Variants in PADI1 observed in about 807,000 individuals in gnomAD.
The protein encoded by PADI1 is peptidyl arginine deiminase 1.
In PADI1, 65 loss-of-function variants were observed where a neutral mutation model predicts 74.8. The observed-to-expected ratio is 0.87, with a 90% CI of 0.71 to 1.07. PADI1 has a LOEUF of 1.07. Ranked by LOEUF, PADI1 falls within the 50% of genes least tolerant of loss-of-function variation. PADI1 has a pLI of 0.00. For synonymous variants in PADI1, 371 were observed against 336.2 expected, an observed-to-expected ratio of 1.10 and a Z score of -1.13; for missense variants, 943 against 854.0, an observed-to-expected ratio of 1.10 and a Z score of -1.30.
chr1:17,237,024 T>C (rs1449058014), intron 11 of PADI1, among the ~76,000 whole-genome samples: 1 of 152,176 alleles, frequency 6.6e-6, no homozygotes, highest in African/African-American at 2.4e-5. Flanking sequence ...CCGAGCACGC[T>C]TCAGATGTAA....
At chr1:17,243,828 CTT>C (rs2072825197) in intron 15 of PADI1, among the ~76,000 whole-genome samples, 180 bp from the exon 16 acceptor site, 1 of 151,868 alleles carries the variant, frequency 6.6e-6, no homozygotes, top group Admixed American at 6.6e-5. Flanking sequence ...AACCCTGAAT[CTT>C]TTTCTCCTCT....
intron 7 of PADI1, 62 bp from the exon 8 acceptor site, chr1:17,228,886 G>T: frequency 3.2e-6 from 5 of 1,585,502 alleles, no homozygotes; most frequent in East Asian, 2.2e-5. Flanking sequence ...CTGGGGGCTG[G>T]GGGGGCTTGA....
At chr1:17,215,449 G>A (rs1292186237) in intron 1 of PADI1, among the ~76,000 whole-genome samples, 2 of 152,042 alleles carry the variant, frequency 1.3e-5, no homozygotes, top group Non-Finnish European at 2.9e-5. Context: ...AGGGGGCTGT[G>A]ACTTAGAGAT....
intron 5 of PADI1, 28 bp downstream of exon 5, chr1:17,225,956 A>C (rs1321052255): frequency 6.2e-7 from 1 of 1,611,452 alleles, no homozygotes; most frequent in Non-Finnish European, 8.5e-7. Context: ...TTGTCTGGGG[A>C]GTGGGGAAGG....
chr1:17,230,613 C>G lies in PADI1; in HGVS notation c.1095C>G (p.Ser365=), dbSNP rs2072463219. ...EFGYIEAPHK[S]FPVVFDSPRN... ...GCTACATCGAGGCCCCTCACAAATCCTTCCCCGTGGTCTTTGACTCCCCCA... is the reference window on the plus strand; with the variant it reads ...GCTACATCGAGGCCCCTCACAAATCGTTCCCCGTGGTCTTTGACTCCCCCA... The change falls in exon 10 of 16, where the codon TCC becomes TCG. Residue 365 remains serine, a synonymous_variant. Coordinates refer to ENST00000375471, the MANE Select transcript of PADI1 (RefSeq NM_013358.3). 1.2e-6 allele frequency: 2 copies of G among 1,613,050 alleles called. No individual in the cohort carries two copies. Among genetic ancestry groups the G allele is most frequent in the Admixed American group, 1.7e-5 (1 of 59,848 alleles).
chr1:17,230,513 C>A, intron 9 of PADI1, 59 bp from the exon 10 acceptor site: 1 of 1,218,420 alleles, frequency 8.2e-7, no homozygotes, highest in Non-Finnish European at 1.2e-6. Flanking sequence ...TGGGGACCAC[C>A]CTGTTCTGTA....
chr1:17,228,906 G>A lies in PADI1; in HGVS notation c.826-42G>A, dbSNP rs745568982. On this transcript the variant is annotated intron_variant, in intron 7 of 15. Coordinates refer to ENST00000375471, the MANE Select transcript of PADI1 (RefSeq NM_013358.3). ...GGCTGGGGGGGCTTGAGGCAGGCTA[G>A]GGGTCCCTGCAGGGCCCACCAAGTC... is the stretch of plus-strand genomic sequence containing the variant. 1.2e-3 allele frequency: 1,946 copies of A among 1,569,708 alleles called. 2 individuals carry two copies. Among genetic ancestry groups the A allele is most frequent in the Non-Finnish European group, 1.4e-3 (1,602 of 1,148,212 alleles).
At chr1:17,230,037 CCA>C (rs1557472145) in intron 8 of PADI1, 46 bp from the exon 9 acceptor site, 1 of 1,576,690 alleles carries the variant, frequency 6.3e-7, no homozygotes, top group Admixed American at 1.7e-5. Context: ...CACACCTCAG[CCA>C]CAGTCAGAGG....
At chr1:17,222,792 C>T (rs1332552891) in intron 2 of PADI1, among the ~76,000 whole-genome samples, 2 of 152,182 alleles carry the variant, frequency 1.3e-5, no homozygotes, top group East Asian at 1.9e-4. Context: ...GCAAGATGCC[C>T]CAGTGCTCTC....
rs557000326 is a variant in PADI1, at chr1:17,230,966, A to C, written c.1161+287A>C. Among the ~76,000 whole-genome samples, 9 of 152,194 alleles carry C rather than the reference A, an allele frequency of 5.9e-5. 1 individual carries two copies. The highest frequency in any genetic ancestry group is 2.2e-4 in the African/African-American group (9 of 41,518). ...ATAAGGCGGCTGGTCACCAAGGGGG[A>C]ATTGGCAGTGTGGTCAGCTCTGGGG... On this transcript the variant is annotated intron_variant, in intron 10 of 15. Coordinates refer to ENST00000375471, the MANE Select transcript of PADI1 (RefSeq NM_013358.3).
chr1:17,230,620 G>A lies in PADI1; in HGVS notation c.1102G>A (p.Val368Met), dbSNP rs760345840. The A allele has an allele frequency of 5.8e-5, 94 of 1,612,964 alleles. 1 individual carries two copies. In the Middle Eastern group the frequency reaches 2.3e-3, roughly 40 times the overall value. The stretch of plus-strand genomic sequence containing the variant: ...CGAGGCCCCTCACAAATCCTTCCCC[G>A]TGGTCTTTGACTCCCCCAGGAACAG... ...YIEAPHKSFP[V>M]VFDSPRNRGL... The change falls in exon 10 of 16, where the codon GTG (valine) becomes ATG (methionine). Residue 368 changes from valine to methionine, a missense_variant. By Grantham distance (21) the Val-to-Met change is conservative. Coordinates refer to ENST00000375471, the MANE Select transcript of PADI1 (RefSeq NM_013358.3).
chr1:17,229,976 A>T, intron 8 of PADI1, 109 bp from the exon 9 acceptor site: 1 of 1,003,368 alleles, frequency 1.0e-6, no homozygotes, highest in Middle Eastern at 2.2e-4. Context: ...ATGAACTGGA[A>T]CCCCTGTACC....
chr1:17,233,099 G>C (rs1019450536), intron 11 of PADI1, 129 bp downstream of exon 11: 2 of 897,346 alleles, frequency 2.2e-6, no homozygotes, highest in Admixed American at 3.4e-5. Flanking sequence ...TGGAATCCTG[G>C]AATCAAAGAC....
rs750781551 is a variant in PADI1, at chr1:17,228,812, G to C, written c.825+15G>C. 8.7e-6 allele frequency: 14 copies of C among 1,611,758 alleles called. No individual in the cohort carries two copies. Among genetic ancestry groups the C allele is most frequent in the Non-Finnish European group, 1.2e-5 (14 of 1,178,476 alleles). Reference sequence around the variant, plus strand: ...TGGACCCGGGGGTGTGTACAGCACTGGGGGGTGGCCAAGGAGGCTGAGGGG... The same window carrying C: ...TGGACCCGGGGGTGTGTACAGCACTCGGGGGTGGCCAAGGAGGCTGAGGGG... On this transcript the variant is annotated intron_variant, in intron 7 of 15. Transcript: ENST00000375471.
rs1330881996 is a variant in PADI1, at chr1:17,226,135, G to C, written c.629G>C (p.Arg210Thr). ...VLNVPFSDSK[R>T]VRVFCARGGN... The stretch of plus-strand genomic sequence containing the variant: ...AACGTGCCCTTTTCTGATTCCAAAA[G>C]AGTGAGGGTCTTCTGTGCCAGGGGT... Residue 210 changes from arginine (R) to threonine (T), a missense_variant, in exon 6 of 16, where the codon AGA (arginine) becomes ACA (threonine). Physicochemically the swap from Arg to Thr is moderately conservative, Grantham distance 71. Coordinates refer to ENST00000375471, the MANE Select transcript of PADI1 (RefSeq NM_013358.3). The C allele has an allele frequency of 6.2e-7, 1 of 1,614,204 alleles. No individual in the cohort carries two copies. The highest frequency in any genetic ancestry group is 1.3e-5 in the African/African-American group (1 of 75,058).
intron 10 of PADI1, among the ~76,000 whole-genome samples, chr1:17,232,536 C>T (rs892093125): frequency 3.3e-5 from 5 of 152,216 alleles, no homozygotes; most frequent in Non-Finnish European, 5.9e-5. Context: ...CTAATTTCCA[C>T]TTTGATTTCT....
At chr1:17,221,687 G>C (rs2072155158) in intron 1 of PADI1, among the ~76,000 whole-genome samples, 1 of 152,136 alleles carries the variant, frequency 6.6e-6, no homozygotes, top group South Asian at 2.1e-4. Context: ...GGCAGTGCCA[G>C]GACAGCCTTG....
intron 10 of PADI1, among the ~76,000 whole-genome samples, chr1:17,231,932 AAC>A (rs1432009047): frequency 1.4e-5 from 2 of 139,172 alleles, no homozygotes; most frequent in Non-Finnish European, 3.1e-5. Context: ...TCCTAAAAAA[AAC>A]ACGTGTTTGT....
At chr1:17,236,343 A>G (rs1262885179) in intron 11 of PADI1, among the ~76,000 whole-genome samples, 2 of 152,212 alleles carry the variant, frequency 1.3e-5, no homozygotes, top group East Asian at 3.8e-4. Flanking sequence ...CCAACCCCAC[A>G]GGGCTGTCAT....
Sources: allele counts gnomAD v4.1 joint callset (sites outside exome capture counted in the v4.1 genomes callset), GRCh38; gene constraint gnomAD v4.1.1; transcripts MANE v1.5; gene names NCBI Gene and HGNC (gene_info 2026-07-23, HGNC 2026-07-21).